Variants in SIK2 observed in about 807,000 individuals in gnomAD.
SIK2 encodes the protein salt inducible kinase 2.
SIK2 carries 29 observed loss-of-function variants against 103.2 expected under a neutral mutation model. That is an observed-to-expected ratio of 0.28 (90% CI 0.21 to 0.38). SIK2 has a LOEUF of 0.38. Ranked by LOEUF, SIK2 falls within the 10% of genes least tolerant of loss-of-function variation. The probability of loss-of-function intolerance (pLI) is 1.00; values close to 1 mark genes in which losing one functional copy is unlikely to be tolerated. For missense variants in SIK2, 879 were observed against 1,171.0 expected (o/e 0.75, Z 3.64); for synonymous variants, 412 against 446.1 (o/e 0.92, Z 0.96).
chr11:111,648,647 G>GTA (rs970754105), intron 3 of SIK2, among the ~76,000 whole-genome samples: 29 of 150,730 alleles, frequency 1.9e-4, no homozygotes, highest in East Asian at 7.8e-4. Flanking sequence ...TATATTTCAT[G>GTA]TATATATATA....
chr11:111,703,270 C>T lies in SIK2; in HGVS notation c.795C>T (p.Ile265=), dbSNP rs774817242. Residue 265 remains isoleucine (I), a synonymous_variant, in exon 7 of 15, where the codon ATC becomes ATT. Coordinates refer to ENST00000304987, the MANE Select transcript of SIK2 (RefSeq NM_015191.3). ...DPSKRLTIAQ[I]KEHKWMLIEV... is the part of the protein sequence containing the mutation. ...CCAAACGGCTAACCATAGCCCAAAT[C>T]AAGGAGCATAAATGGATGCTCATAG... 2.5e-6 allele frequency: 4 copies of T among 1,614,050 alleles called. No homozygotes were observed. The African/African-American group carries it at 5.3e-5, about 22-fold the overall frequency.
intron 4 of SIK2, among the ~76,000 whole-genome samples, chr11:111,689,293 G>T (rs1343012475): frequency 1.3e-5 from 2 of 152,138 alleles, no homozygotes; most frequent in African/African-American, 4.8e-5. Context: ...AAATTATAGG[G>T]CATGGGTAGG....
chr11:111,615,323 A>G (rs1282724155), intron 1 of SIK2, among the ~76,000 whole-genome samples: 2 of 151,924 alleles, frequency 1.3e-5, no homozygotes, highest in African/African-American at 4.8e-5. Context: ...GTTACCCTGA[A>G]ACAATAACAT....
chr11:111,625,771 A>G (rs1379434502), intron 3 of SIK2, among the ~76,000 whole-genome samples: 1 of 152,150 alleles, frequency 6.6e-6, no homozygotes, highest in Non-Finnish European at 1.5e-5. Flanking sequence ...CAAAATAGAC[A>G]ACCCTTTCAA....
At chr11:111,679,194 T>C (rs1397521418) in intron 3 of SIK2, among the ~76,000 whole-genome samples, 1 of 152,262 alleles carries the variant, frequency 6.6e-6, no homozygotes, top group East Asian at 1.9e-4. Flanking sequence ...GTGGGAATTA[T>C]AAATAATTTT....
In SIK2 at chr11:111,623,855, G is replaced by A. The variant is rs74507855; in HGVS notation, c.316+3453G>A. ...CTGTGTGTAGCTCACTCTTATCTGG[G>A]ACTCTCAGCATTGTCTACTCAACTC... On this transcript the variant is annotated intron_variant, in intron 3 of 14. Coordinates refer to ENST00000304987, the MANE Select transcript of SIK2 (RefSeq NM_015191.3). 6.9e-3 allele frequency among the ~76,000 whole-genome samples: 1,046 copies of A among 152,232 alleles called. 13 individuals are homozygous for A. Among genetic ancestry groups the A allele is most frequent in the African/African-American group, 0.024 (1,004 of 41,520 alleles).
At chr11:111,605,160 A>G (rs1195669829) in intron 1 of SIK2, among the ~76,000 whole-genome samples, 1 of 152,024 alleles carries the variant, frequency 6.6e-6, no homozygotes, top group Non-Finnish European at 1.5e-5. Context: ...ACGGGGTTTC[A>G]CAGTGTTGGC....
intron 3 of SIK2, among the ~76,000 whole-genome samples, chr11:111,644,957 G>A (rs564812134): frequency 5.3e-5 from 8 of 152,192 alleles, no homozygotes; most frequent in Admixed American, 3.9e-4. Flanking sequence ...AGAGCCTGTC[G>A]AGTGTCAAGC....
rs1943320713 is a variant in SIK2 at position 111,705,371 on chromosome 11, GAATTA to G, written c.1101+233_1101+237del. On this transcript the variant is annotated intron_variant, in intron 8 of 14. Transcript: ENST00000304987. This position sits in a 1 kb window ranked among gnomAD's most constrained non-coding sequence, Gnocchi z 4.3. ...TTGTTTTCATCATTCACAATGTTGA[GAATTA>G]CTATCACTAGCCTTTACATTCAATT... Among the ~76,000 whole-genome samples, 1 of 152,134 alleles carries G rather than the reference GAATTA, an allele frequency of 6.6e-6. No homozygotes were observed. The highest frequency in any genetic ancestry group is 1.5e-5 in the Non-Finnish European group (1 of 68,036).
Position 111,720,668 on chromosome 11 carries a change from G to A in SIK2, c.1686G>A (p.Met562Ile). 1 of 1,614,074 alleles carries A rather than the reference G, an allele frequency of 6.2e-7. No homozygotes were observed. Among genetic ancestry groups the A allele is most frequent in the East Asian group, 2.2e-5 (1 of 44,860 alleles). ...GCCTGAGACCTACCAACCCAGCCAT[G>A]CAGGCTCTGAGCTCCCAGAAACGAG... ...FISLRPTNPAMQALSSQKREV... is the reference protein window; with the variant it reads ...FISLRPTNPAIQALSSQKREV... The change falls in exon 11 of 15, where the codon ATG becomes ATA. Residue 562 changes from methionine to isoleucine, a missense_variant. Met to Ile is a conservative substitution (Grantham distance 10). This residue lies in a region of SIK2 where 222 missense variants were observed against 258.0 expected (regional missense o/e 0.86). Transcript: ENST00000304987.
chr11:111,647,294 A>G (rs1034116731), intron 3 of SIK2, among the ~76,000 whole-genome samples: 14 of 152,214 alleles, frequency 9.2e-5, no homozygotes, highest in African/African-American at 3.4e-4. Flanking sequence ...ATAAATTACT[A>G]GAAATGAGAT....
intron 3 of SIK2, among the ~76,000 whole-genome samples, chr11:111,623,125 G>A (rs538292744): frequency 6.6e-6 from 1 of 152,122 alleles, no homozygotes; most frequent in African/African-American, 2.4e-5. Context: ...TTCATGTTGA[G>A]TAGTTGCTAT....
In SIK2 at chr11:111,723,860, G is replaced by A. The variant is rs1943882389; in HGVS notation, c.2512G>A (p.Ala838Thr). The A allele has an allele frequency of 5.0e-6, 8 of 1,613,166 alleles. No individual in the cohort carries two copies. Among genetic ancestry groups the A allele is most frequent in the Non-Finnish European group, 6.8e-6 (8 of 1,179,768 alleles). ...PPPPPRQPGA[A>T]PAPLQFSYQT... ...TCCACCACCACGACAGCCAGGAGCT[G>A]CCCCAGCCCCCTTACAGTTCTCCTA... Residue 838 changes from alanine to threonine, a missense_variant, in exon 15 of 15, where the codon GCC (alanine) becomes ACC (threonine). By Grantham distance (58) the Ala-to-Thr change is moderately conservative. This residue lies in a region of SIK2 where 375 missense variants were observed against 416.3 expected (regional missense o/e 0.90). Transcript: ENST00000304987.
At chr11:111,611,086 ATGTGTGTGTGTG>A (rs113893092) in intron 1 of SIK2, among the ~76,000 whole-genome samples, 1 of 89,762 alleles carries the variant, frequency 1.1e-5, no homozygotes, top group African/African-American at 2.9e-5. Flanking sequence ...TCTCGACCAA[ATGTGTGTGTGTG>A]TGTGTGTGTG....
chr11:111,610,655 C>T (rs1016802797), intron 1 of SIK2, among the ~76,000 whole-genome samples: 2 of 151,974 alleles, frequency 1.3e-5, no homozygotes, highest in Admixed American at 1.3e-4. Context: ...TAAAATTTCA[C>T]ATTGTTAGAA....
intron 3 of SIK2, among the ~76,000 whole-genome samples, chr11:111,676,884 A>G (rs1942709926): frequency 2.0e-5 from 3 of 152,182 alleles, no homozygotes; most frequent in Admixed American, 2.0e-4. Context: ...GGATGTATTT[A>G]TCTGTGTAAA....
chr11:111,675,317 A>G (rs999265974), intron 3 of SIK2, among the ~76,000 whole-genome samples: 2 of 152,230 alleles, frequency 1.3e-5, no homozygotes, highest in African/African-American at 2.4e-5. Context: ...ACTGGGAGGC[A>G]TTACAAAGTC....
intron 4 of SIK2, among the ~76,000 whole-genome samples, chr11:111,693,229 G>A (rs1942991704): frequency 6.6e-6 from 1 of 152,088 alleles, no homozygotes. Flanking sequence ...CTACTCAGGA[G>A]GCTGAGGCAG....
Position 111,720,779 on chromosome 11 carries a change from C to G in SIK2, c.1780+17C>G, listed in dbSNP as rs369707716. Reference sequence around the variant, plus strand: ...TCACCCAGGGTGAGCACTTCCTCCTCTGCTTTTTGAAACTCGCGTCGTAGG... The same window carrying G: ...TCACCCAGGGTGAGCACTTCCTCCTGTGCTTTTTGAAACTCGCGTCGTAGG... On this transcript the variant is annotated intron_variant, in intron 11 of 14. Transcript: ENST00000304987. 6.9e-5 allele frequency: 109 copies of G among 1,575,080 alleles called. No homozygotes were observed. Among genetic ancestry groups the G allele is most frequent in the African/African-American group, 9.5e-5 (7 of 73,558 alleles).
Sources: allele counts gnomAD v4.1 joint callset (sites outside exome capture counted in the v4.1 genomes callset), GRCh38; gene constraint gnomAD v4.1.1; regional missense constraint gnomAD v4.1.1; non-coding constraint Gnocchi (gnomAD v3.1); transcripts MANE v1.5; gene names NCBI Gene and HGNC (gene_info 2026-07-23, HGNC 2026-07-21).